EGFR: variants seen among roughly 807,000 people sequenced by gnomAD.
The protein encoded by EGFR is avian erythroblastic leukemia viral (v-erb-b) oncogene homolog.
A neutral mutation model predicts 143.0 loss-of-function variants in EGFR; 58 were observed. That is an observed-to-expected ratio of 0.41 (90% confidence interval 0.33 to 0.50). The LOEUF (loss-of-function observed/expected upper bound fraction) is 0.50. Ranked by LOEUF, EGFR falls within the 20% of genes least tolerant of loss-of-function variation. The pLI, the probability that EGFR is intolerant of heterozygous loss-of-function variation, is 0.39. For synonymous variants in EGFR, 613 were observed against 594.4 expected, an observed-to-expected ratio of 1.03 and a Z score of -0.45; for missense variants, 1,307 against 1,579.0, an observed-to-expected ratio of 0.83 and a Z score of 2.92.
chr7:55,205,883 C>G lies in EGFR; in HGVS notation c.*266C>G. On this transcript the variant is annotated 3_prime_UTR_variant, in exon 28 of 28. Transcript: ENST00000275493. Reference sequence around the variant, plus strand: ...TCCCTTTGAGCAGAAATTTATCTTTCAAAGAGGTATATTTGAAAAAAAAAA... The same window carrying G: ...TCCCTTTGAGCAGAAATTTATCTTTGAAAGAGGTATATTTGAAAAAAAAAA... The G allele has an allele frequency of 2.1e-6, 1 of 483,600 alleles. No individual in the cohort carries two copies. Among genetic ancestry groups the G allele is most frequent in the Non-Finnish European group, 3.6e-6 (1 of 274,914 alleles). The allele number at this position is 483,600 out of a possible 1,614,324, so 30.0% of individuals were successfully genotyped here. A position where few individuals can be genotyped will look rare whatever the true frequency, so the allele number is the denominator to read the frequency against.
At chr7:55,092,741 C>T (rs902706833) in intron 1 of EGFR, among the ~76,000 whole-genome samples, 5 of 152,198 alleles carry the variant, frequency 3.3e-5, no homozygotes, top group South Asian at 2.1e-4. Flanking sequence ...TCCCTGTGCC[C>T]GGCTAATGAT....
At chr7:55,191,118 C>G (rs987858800) in intron 20 of EGFR, among the ~76,000 whole-genome samples, 3 of 152,080 alleles carry the variant, frequency 2.0e-5, no homozygotes, top group Non-Finnish European at 2.9e-5. Context: ...TCAATTGCAG[C>G]GAGATTGTGG....
At chr7:55,140,184 GTTAC>G (rs560410701) in intron 1 of EGFR, among the ~76,000 whole-genome samples, 128 of 152,090 alleles carry the variant, frequency 8.4e-4, no homozygotes, top group African/African-American at 2.9e-3. Context: ...ACTGACAAAA[GTTAC>G]TTACTCTGTG....
At chr7:55,162,643 A>T (rs1045309509) in intron 13 of EGFR, among the ~76,000 whole-genome samples, 1 of 152,160 alleles carries the variant, frequency 6.6e-6, no homozygotes, top group Non-Finnish European at 1.5e-5. Context: ...GTGTAGAGAA[A>T]CCTGGTGTCC....
At chr7:55,058,633 C>A (rs1247649921) in intron 1 of EGFR, among the ~76,000 whole-genome samples, 1 of 152,082 alleles carries the variant, frequency 6.6e-6, no homozygotes. Context: ...CATGTTATCA[C>A]TTATAAGTGG....
chr7:55,193,907 G>T (rs1488466139), intron 22 of EGFR, among the ~76,000 whole-genome samples: 1 of 152,132 alleles, frequency 6.6e-6, no homozygotes, highest in Admixed American at 6.5e-5. Context: ...CTGTTAAAAT[G>T]TAAGATTTAT....
chr7:55,142,624 G>C (rs1345418182), intron 2 of EGFR, among the ~76,000 whole-genome samples, 187 bp downstream of exon 2: 1 of 152,184 alleles, frequency 6.6e-6, no homozygotes, highest in Non-Finnish European at 1.5e-5. Flanking sequence ...ACTAGAAAAG[G>C]ATATCAAATA....
At chr7:55,097,820 CAAAA>C (rs796598124) in intron 1 of EGFR, among the ~76,000 whole-genome samples, 1 of 139,496 alleles carries the variant, frequency 7.2e-6, no homozygotes, top group Admixed American at 7.2e-5. Context: ...TCCCATTTGT[CAAAA>C]AAAAAAAAGA....
chr7:55,133,146 G>A (rs991232840), intron 1 of EGFR, among the ~76,000 whole-genome samples: 2 of 152,236 alleles, frequency 1.3e-5, no homozygotes, highest in African/African-American at 2.4e-5. Flanking sequence ...AGCGCCCAGC[G>A]AGGTGAACTC....
At chr7:55,105,727 A>G (rs752332589) in intron 1 of EGFR, among the ~76,000 whole-genome samples, 4 of 152,250 alleles carry the variant, frequency 2.6e-5, no homozygotes, top group Non-Finnish European at 4.4e-5. Flanking sequence ...CAGGGCTTAT[A>G]TAGAAAGAGT....
At position 55,206,603 on chromosome 7, in the gene EGFR, G is replaced by A. The variant is rs1788113649; in HGVS notation, c.*986G>A. 1 of 233,302 alleles carries A rather than the reference G, an allele frequency of 4.3e-6. No homozygotes were observed. The highest frequency in any genetic ancestry group is 8.5e-6 in the Non-Finnish European group (1 of 118,066). The allele number at this position is 233,302 out of a possible 1,614,324, so 14.5% of individuals were successfully genotyped here. A position where few individuals can be genotyped will look rare whatever the true frequency, so the allele number is the denominator to read the frequency against. On this transcript the variant is annotated 3_prime_UTR_variant, in exon 28 of 28. Transcript: ENST00000275493. ...AATGCATCAGGTCCTTTGGGGCATA[G>A]ATCAGAAGACTACAAAAATGAAGCT... is the stretch of plus-strand genomic sequence containing the variant.
chr7:55,181,671 A>T lies in EGFR; in HGVS notation c.2469+193A>T, dbSNP rs562674393. 2.1e-4 allele frequency: 144 copies of T among 679,596 alleles called. 3 individuals carry two copies. In the South Asian group the frequency reaches 2.4e-3, roughly 11 times the overall value. The allele number at this position is 679,596 out of a possible 1,614,324, so 42.1% of individuals were successfully genotyped here. ...ACAAATCAGTGCCTGTCCCATCTGC[A>T]TGTGGAAACTCTCATCAATCAGCTA... On this transcript the variant is annotated intron_variant, in intron 20 of 27. Transcript: ENST00000275493.
intron 19 of EGFR, among the ~76,000 whole-genome samples, chr7:55,175,941 C>G (rs1471364664): frequency 2.0e-5 from 3 of 152,056 alleles, no homozygotes; most frequent in African/African-American, 7.2e-5. Flanking sequence ...TGATATAATA[C>G]AATAAAAAAT....
Position 55,201,441 on chromosome 7 carries a change from GA to G in EGFR, c.3114+89del. The G allele has an allele frequency of 1.9e-6, 3 of 1,574,040 alleles. No individual in the cohort carries two copies. The South Asian group carries it at 3.4e-5, about 18-fold the overall frequency. ...ATTTTAGGGAAAATAACCATCTAGT[GA>G]AACTCACATGGATATGAAGTCAATT... On this transcript the variant is annotated intron_variant, in intron 25 of 27. Coordinates refer to ENST00000275493, the MANE Select transcript of EGFR (RefSeq NM_005228.5).
At chr7:55,192,011 C>T (rs1787418670) in intron 21 of EGFR, 137 bp downstream of exon 21, 2 of 1,339,464 alleles carry the variant, frequency 1.5e-6, no homozygotes, top group Middle Eastern at 4.9e-4. Context: ...GCAGCTGCTG[C>T]TGGCAGCTGG....
intron 23 of EGFR, 56 bp downstream of exon 23, chr7:55,198,919 T>C (rs2128969046): frequency 1.2e-6 from 2 of 1,608,970 alleles, no homozygotes; most frequent in Non-Finnish European, 1.7e-6. Context: ...TGGCTGCTCT[T>C]AGCCAAACAG....
At position 55,173,112 on chromosome 7, in the gene EGFR, G is replaced by A. The variant is rs2128952694; in HGVS notation, c.2049G>A (p.Leu683=). Residue 683 remains leucine, a synonymous_variant, in exon 17 of 28, where the codon CTG becomes CTA. Transcript: ENST00000275493. ...IVRKRTLRRL[L]QERELVEPLT... is the part of the protein sequence containing the mutation. ...GGAAGCGCACGCTGCGGAGGCTGCT[G>A]CAGGAGAGGGAGGTGAGTGCCAGTC... is the stretch of plus-strand genomic sequence containing the variant. 6.2e-7 allele frequency: 1 copy of A among 1,610,860 alleles called. No homozygotes were observed. Among genetic ancestry groups the A allele is most frequent in the Non-Finnish European group, 8.5e-7 (1 of 1,179,964 alleles).
chr7:55,107,445 A>G (rs1287066724), intron 1 of EGFR, among the ~76,000 whole-genome samples: 1 of 152,200 alleles, frequency 6.6e-6, no homozygotes, highest in African/African-American at 2.4e-5. Flanking sequence ...GAATTAAGCA[A>G]TATAAAAAAT....
At chr7:55,148,450 T>G (rs1213025420) in intron 4 of EGFR, among the ~76,000 whole-genome samples, 1 of 152,086 alleles carries the variant, frequency 6.6e-6, no homozygotes, top group African/African-American at 2.4e-5. Context: ...ATTCAAATAC[T>G]ACAGGGCATT....
Sources: gnomAD v4.1 joint callset for allele counts (sites outside exome capture counted in the v4.1 genomes callset) on GRCh38, gnomAD v4.1.1 for gene constraint, MANE v1.5 for transcripts, NCBI Gene and HGNC (gene_info 2026-07-23, HGNC 2026-07-21) for gene names.